Variants in MEG3 observed in about 807,000 individuals in gnomAD.
MEG3 encodes the protein maternally expressed 3.
rs2037631895 is a variant in MEG3 at position 100,837,732 on chromosome 14, G to A, written n.3045+1432G>A. On this transcript the variant is annotated intron_variant and non_coding_transcript_variant, in intron 2 of 3. Transcript: ENST00000398461. The surrounding 1 kb of genome is among the most constrained non-coding windows in gnomAD (Gnocchi z 5.8). ...TCGTAATGCTCTTTAATCAAACAGA[G>A]GATTTGGAGACAGCTCTCCTGCAGC... Among the ~76,000 whole-genome samples, 1 of 151,956 alleles carries A rather than the reference G, an allele frequency of 6.6e-6. No individual in the cohort carries two copies. Among genetic ancestry groups the A allele is most frequent in the South Asian group, 2.1e-4 (1 of 4,824 alleles).
chr14:100,830,740 G>C (rs765567202), downstream of MEG3: 1 of 152,100 alleles, frequency 6.6e-6, no homozygotes, highest in African/African-American at 2.4e-5. Context: ...AATTTCTTTC[G>C]TCCCGTTTTA....
chr14:100,859,499 C>T (rs2038341366), exon 1 of MEG3: 2 of 152,242 alleles, frequency 1.3e-5, no homozygotes, highest in African/African-American at 2.4e-5. Flanking sequence ...CCTCCGCCCC[C>T]CATGCCCTCC....
At chr14:100,850,662 AG>A in intron 3 of MEG3, 1 of 152,244 alleles carries the variant, frequency 6.6e-6, no homozygotes, top group East Asian at 1.9e-4. Context: ...GAAGAGTGAG[AG>A]GAAGAAAGAA....
intron 1 of MEG3, chr14:100,836,126 G>C (rs55996894): frequency 0.16 from 66,595 of 420,612 alleles, 5,794 homozygotes; most frequent in African/African-American, 0.22. Flanking sequence ...TTTCCGGGGC[G>C]CTTGCCTTGC....
rs763541359 is a variant in MEG3, at chr14:100,845,042, G to A, written n.3046-416G>A. Reference sequence around the variant, plus strand: ...TGGGCTGCCCTCCCGGCCACACCCCGCTTCCCTGGTCTCCTCCAGGGCCAG... The same window carrying A: ...TGGGCTGCCCTCCCGGCCACACCCCACTTCCCTGGTCTCCTCCAGGGCCAG... On this transcript the variant is annotated intron_variant and non_coding_transcript_variant, in intron 2 of 3. Coordinates refer to the MEG3 transcript ENST00000398461. The surrounding 1 kb of genome is among the most constrained non-coding windows in gnomAD (Gnocchi z 5.2). Among the ~76,000 whole-genome samples the A allele has an allele frequency of 4.6e-5, 7 of 152,064 alleles. No homozygotes were observed. Among genetic ancestry groups the A allele is most frequent in the African/African-American group, 1.7e-4 (7 of 41,430 alleles).
At chr14:100,827,289 C>T (rs1299825929) in intron 1 of MEG3, 1 of 133,940 alleles carries the variant, frequency 7.5e-6, no homozygotes, top group Admixed American at 7.7e-5. Flanking sequence ...GGAAGGTTTC[C>T]TGGCTGGCCG....
exon 1 of MEG3, chr14:100,835,731 T>A: frequency 5.8e-6 from 1 of 173,902 alleles, no homozygotes; most frequent in Non-Finnish European, 1.2e-5. Context: ...GCTGCCTGTT[T>A]CCAGCAGGTT....
At chr14:100,840,645 C>T (rs1212007881) in intron 2 of MEG3, among the ~76,000 whole-genome samples, 1 of 152,190 alleles carries the variant, frequency 6.6e-6, no homozygotes, top group Non-Finnish European at 1.5e-5. Flanking sequence ...ACTTAACCAG[C>T]CACTGGGTTC....
upstream of MEG3, chr14:100,855,683 T>A (rs899389499): frequency 1.3e-5 from 2 of 152,228 alleles, no homozygotes; most frequent in Non-Finnish European, 2.9e-5. Context: ...ACAGACGTTT[T>A]TAAAAAATTA....
exon 2 of MEG3, chr14:100,860,785 G>T (rs368105221): frequency 2.2e-6 from 1 of 444,854 alleles, no homozygotes; most frequent in African/African-American, 2.0e-5. Context: ...GTAGAGACCC[G>T]CCCTCTGACT....
In MEG3 at chr14:100,837,484, T is replaced by C. The variant is rs2037620449; in HGVS notation, n.3045+1184T>C. Among the ~76,000 whole-genome samples the C allele has an allele frequency of 6.6e-6, 1 of 152,128 alleles. No individual in the cohort carries two copies. Among genetic ancestry groups the C allele is most frequent in the East Asian group, 1.9e-4 (1 of 5,178 alleles). On this transcript the variant is annotated intron_variant and non_coding_transcript_variant, in intron 2 of 3. Transcript: ENST00000398461. The surrounding 1 kb of genome is among the most constrained non-coding windows in gnomAD (Gnocchi z 5.8). The stretch of plus-strand genomic sequence containing the variant: ...CTGGCTCCATTCCCCCAGACATTTA[T>C]GGAGGCTTGAGGGGGCCCTAGCACT...
intron 2 of MEG3, among the ~76,000 whole-genome samples, chr14:100,843,663 C>G (rs1374621312): frequency 6.6e-6 from 1 of 152,042 alleles, no homozygotes; most frequent in Non-Finnish European, 1.5e-5. Flanking sequence ...CTTGGACATC[C>G]TGGCTGGAGA....
At chr14:100,847,506 G>A (rs1179939398) in intron 3 of MEG3, 2 of 152,158 alleles carry the variant, frequency 1.3e-5, no homozygotes, top group Non-Finnish European at 2.9e-5. Flanking sequence ...ATTAATGGGT[G>A]GTAAATAAAG....
chr14:100,843,760 AGGC>A (rs201470015), intron 2 of MEG3, among the ~76,000 whole-genome samples: 2,606 of 150,990 alleles, frequency 0.017, 46 homozygotes, highest in Admixed American at 0.043. Flanking sequence ...GCCTGAGGAC[AGGC>A]GGCAGTCTTG....
intron 2 of MEG3, among the ~76,000 whole-genome samples, chr14:100,843,405 G>T (rs1208113464): frequency 6.6e-6 from 1 of 152,106 alleles, no homozygotes; most frequent in African/African-American, 2.4e-5. Context: ...CGGAGGGAGG[G>T]TGGGAAACGG....
At chr14:100,849,494 T>A (rs901294964) in intron 3 of MEG3, 3 of 152,190 alleles carry the variant, frequency 2.0e-5, no homozygotes, top group Admixed American at 2.0e-4. Context: ...GCCCATGGGA[T>A]TGTCATTCAT....
exon 1 of MEG3, chr14:100,835,633 T>C (rs1454668650): frequency 6.4e-6 from 1 of 156,452 alleles, no homozygotes; most frequent in African/African-American, 2.4e-5. Context: ...AGCAGGCTGG[T>C]TCTCCCTGCC....
Position 100,845,335 on chromosome 14 carries a change from TG to T in MEG3, n.3046-119del. The T allele has an allele frequency of 2.8e-6, 1 of 359,516 alleles. No homozygotes were observed. 22.3% of individuals were successfully genotyped at this position (359,516 alleles called of 1,614,324 possible). ...CTCCAATTCCACACTTGCTGGAGGT[TG>T]GGGAGTCTCTGCTCCAGGCCACCCC... On this transcript the variant is annotated intron_variant and non_coding_transcript_variant, in intron 2 of 3. Transcript: ENST00000398461. The surrounding 1 kb of genome is among the most constrained non-coding windows in gnomAD (Gnocchi z 5.2).
At chr14:100,827,205 C>A (rs977526913) in intron 1 of MEG3, among the ~76,000 whole-genome samples, 3 of 152,158 alleles carry the variant, frequency 2.0e-5, no homozygotes, top group East Asian at 1.9e-4. Flanking sequence ...TCAAGCCCCC[C>A]CAGGCCGCCC....
Sources: allele counts gnomAD v4.1 joint callset (sites outside exome capture counted in the v4.1 genomes callset), GRCh38; gene constraint gnomAD v4.1.1; non-coding constraint Gnocchi (gnomAD v3.1); transcripts MANE v1.5; gene names NCBI Gene and HGNC (gene_info 2026-07-23, HGNC 2026-07-21).